The following KAT2A variants were observed in gnomAD, a reference collection of about 807,000 sequenced individuals.
KAT2A encodes histone acetyltransferase KAT2A.
KAT2A carries 42 observed loss-of-function variants against 95.2 expected under a neutral mutation model. The ratio of observed to expected loss-of-function variants is 0.44; its 90% CI spans 0.34 to 0.57. The LOEUF (loss-of-function observed/expected upper bound fraction) is 0.57. Ranked by LOEUF, KAT2A falls within the 20% of genes least tolerant of loss-of-function variation. The pLI, the probability that KAT2A is intolerant of heterozygous loss-of-function variation, is 0.01. For missense variants in KAT2A, 784 were observed against 1,126.3 expected (o/e 0.70, Z 4.35); for synonymous variants, 449 against 448.2 (o/e 1.00, Z -0.02).
Position 42,119,304 on chromosome 17 carries a change from T to C in KAT2A, c.1014A>G (p.Arg338=). 6.2e-7 allele frequency: 1 copy of C among 1,614,034 alleles called. No homozygotes were observed. The highest frequency in any genetic ancestry group is 8.5e-7 in the Non-Finnish European group (1 of 1,179,944). ...VTRRQLLEKF[R]VEKDKLVPEK... ...CGGGCACCAATTTGTCCTTCTCCAC[T>C]CGGAACTTTTCCAGCAGCTGCCGGC... Residue 338 remains arginine (R), a synonymous_variant, in exon 6 of 18, where the codon CGA becomes CGG. Coordinates refer to ENST00000225916, the MANE Select transcript of KAT2A (RefSeq NM_021078.3). This position sits in a 1 kb window ranked among gnomAD's most constrained non-coding sequence, Gnocchi z 5.3.
Position 42,114,729 on chromosome 17 carries a change from A to G in KAT2A, c.2020-125T>C. ...GCCACCTAATCCAGCACCTCCCCTC[A>G]TAACTTCCCCAAGGGAGCAGAGCAA... On this transcript the variant is annotated intron_variant, in intron 13 of 17. Coordinates refer to ENST00000225916, the MANE Select transcript of KAT2A (RefSeq NM_021078.3). The surrounding 1 kb of genome is among the most constrained non-coding windows in gnomAD (Gnocchi z 6.0). The G allele has an allele frequency of 6.9e-6, 8 of 1,166,694 alleles. No individual in the cohort carries two copies. Among genetic ancestry groups the G allele is most frequent in the Middle Eastern group, 4.8e-4 (2 of 4,144 alleles). 72.3% of individuals were successfully genotyped at this position (1,166,694 alleles called of 1,614,324 possible). A position where few individuals can be genotyped will look rare whatever the true frequency, so the allele number is the denominator to read the frequency against.
Position 42,117,712 on chromosome 17 carries a change from G to A in KAT2A, c.1394C>T (p.Thr465Ile), listed in dbSNP as rs1555666329. Residue 465 changes from threonine to isoleucine, a missense_variant, in exon 9 of 18, where the codon ACC (threonine) becomes ATC (isoleucine). Coordinates refer to ENST00000225916, the MANE Select transcript of KAT2A (RefSeq NM_021078.3). This position sits in a 1 kb window ranked among gnomAD's most constrained non-coding sequence, Gnocchi z 8.9. Reference protein sequence around the residue: ...PMELVNEVMLTITDPAAMLGP... With the variant: ...PMELVNEVMLIITDPAAMLGP... ...CAGCATGGCAGCAGGGTCAGTGATG[G>A]TCAGCATGACCTCATTGACCAGCTC... is the stretch of plus-strand genomic sequence containing the variant. 2 of 1,613,334 alleles carry A rather than the reference G, an allele frequency of 1.2e-6. No homozygotes were observed. The highest frequency in any genetic ancestry group is 1.7e-6 in the Non-Finnish European group (2 of 1,179,582).
rs1241266692 is a variant in KAT2A at position 42,120,676 on chromosome 17, C to G, written c.463+30G>C. 1.9e-6 allele frequency: 3 copies of G among 1,613,396 alleles called. No homozygotes were observed. In the African/African-American group the frequency reaches 4.0e-5, roughly 22 times the overall value. On this transcript the variant is annotated intron_variant, in intron 2 of 17. Coordinates refer to ENST00000225916, the MANE Select transcript of KAT2A (RefSeq NM_021078.3). ...TGTCCAAGCAGGACCCAGCACCTGCCCCCAGCTCCAAGGGCGCTGCCTGCC... is the reference window on the plus strand; with the variant it reads ...TGTCCAAGCAGGACCCAGCACCTGCGCCCAGCTCCAAGGGCGCTGCCTGCC...
chr17:42,118,162 C>A (rs1332118562), intron 7 of KAT2A, 135 bp downstream of exon 7: 2 of 791,720 alleles, frequency 2.5e-6, no homozygotes, highest in Non-Finnish European at 4.1e-6. Context: ...AAGGCAGGGA[C>A]TGGGGGGGCT....
rs782486234 is a variant in KAT2A at position 42,119,480 on chromosome 17, A to G, written c.882-44T>C. Reference sequence around the variant, plus strand: ...GGGGAGACAGGTGAGGGCGGAAACCACTGAACCCAGGCTGGGCCTGCAAGC... The same window carrying G: ...GGGGAGACAGGTGAGGGCGGAAACCGCTGAACCCAGGCTGGGCCTGCAAGC... On this transcript the variant is annotated intron_variant, in intron 5 of 17. Coordinates refer to ENST00000225916, the MANE Select transcript of KAT2A (RefSeq NM_021078.3). The surrounding 1 kb of genome is among the most constrained non-coding windows in gnomAD (Gnocchi z 5.3). The G allele has an allele frequency of 2.0e-5, 32 of 1,586,902 alleles. 1 individual carries two copies. The South Asian group carries it at 3.7e-4, about 18-fold the overall frequency.
At position 42,114,440 on chromosome 17, in the gene KAT2A, C is replaced by T. The variant is rs781932527; in HGVS notation, c.2135-46G>A. 10 of 1,613,478 alleles carry T rather than the reference C, an allele frequency of 6.2e-6. No individual in the cohort carries two copies. The Admixed American group carries it at 1.7e-4, about 27-fold the overall frequency. ...GAATGTCTCTAAGAATGCCAGTCCA[C>T]ACCCCAAGCATCGTGCCCCCACTAC... On this transcript the variant is annotated intron_variant, in intron 14 of 17. Coordinates refer to ENST00000225916, the MANE Select transcript of KAT2A (RefSeq NM_021078.3). The surrounding 1 kb of genome is among the most constrained non-coding windows in gnomAD (Gnocchi z 6.0).
In KAT2A at chr17:42,117,994, G is replaced by A. The variant is rs918494138; in HGVS notation, c.1204C>T (p.Pro402Ser). The change falls in exon 8 of 18, where the codon CCC becomes TCC. Residue 402 changes from proline to serine, a missense_variant. Physicochemically the swap from Pro to Ser is moderately conservative, Grantham distance 74. Coordinates refer to ENST00000225916, the MANE Select transcript of KAT2A (RefSeq NM_021078.3). The surrounding 1 kb of genome is among the most constrained non-coding windows in gnomAD (Gnocchi z 8.9). Reference sequence around the variant, plus strand: ...CTGGGGCTGAAGATGGGGGTGCTGGGAACAACCGCTGCACTGACTGAAGCT... The same window carrying A: ...CTGGGGCTGAAGATGGGGGTGCTGGAAACAACCGCTGCACTGACTGAAGCT... ...RPASVSAAVV[P>S]STPIFSPSMG... 5.6e-6 allele frequency: 9 copies of A among 1,604,332 alleles called. No homozygotes were observed. In the African/African-American group the frequency reaches 1.2e-4, roughly 22 times the overall value.
rs782359303 is a variant in KAT2A, at chr17:42,113,625, C to T, written c.*24G>A. 3 of 1,593,526 alleles carry T rather than the reference C, an allele frequency of 1.9e-6. No individual in the cohort carries two copies. The South Asian group carries it at 3.4e-5, about 18-fold the overall frequency. On this transcript the variant is annotated 3_prime_UTR_variant, in exon 18 of 18. Transcript: ENST00000225916. Reference sequence around the variant, plus strand: ...AATCCGAGGTGGAGACATTCCAGGTCAGGGCTGCGGCCCAAAGATGGGCCT... The same window carrying T: ...AATCCGAGGTGGAGACATTCCAGGTTAGGGCTGCGGCCCAAAGATGGGCCT...
chr17:42,117,086 C>T lies in KAT2A; in HGVS notation c.1713G>A (p.Gln571=). 6.2e-7 allele frequency: 1 copy of T among 1,614,166 alleles called. No homozygotes were observed. Among genetic ancestry groups the T allele is most frequent in the South Asian group, 1.1e-5 (1 of 91,090 alleles). ...GGICFRMFPT[Q]GFTEIVFCAV... is the part of the protein sequence containing the mutation. Reference sequence around the variant, plus strand: ...CACAGAAGACAATCTCCGTGAAGCCCTGGGTGGGAAACATGCGGAAGCAGA... The same window carrying T: ...CACAGAAGACAATCTCCGTGAAGCCTTGGGTGGGAAACATGCGGAAGCAGA... The change falls in exon 11 of 18, where the codon CAG becomes CAA. Residue 571 remains glutamine (Q), a synonymous_variant. Transcript: ENST00000225916. This position sits in a 1 kb window ranked among gnomAD's most constrained non-coding sequence, Gnocchi z 8.9.
At chr17:42,120,602 A>G in intron 2 of KAT2A, 104 bp downstream of exon 2, 6 of 1,089,396 alleles carry the variant, frequency 5.5e-6, no homozygotes, top group Non-Finnish European at 7.9e-6. Context: ...CCCTCCTTCG[A>G]GGCATCTTTG....
At chr17:42,115,296 GC>G (rs1188044324) in intron 12 of KAT2A, among the ~76,000 whole-genome samples, 2 of 84,084 alleles carry the variant, frequency 2.4e-5, no homozygotes, top group Non-Finnish European at 4.5e-5. Flanking sequence ...TCCTCTACTG[GC>G]CCCCCAGTTC....
chr17:42,118,040 G>A, intron 7 of KAT2A, 23 bp from the exon 8 acceptor site: 1 of 1,344,650 alleles, frequency 7.4e-7, no homozygotes, highest in East Asian at 2.4e-5. Context: ...AGAGACGTCA[G>A]GGATGGGGGG....
In KAT2A at chr17:42,114,766, C is replaced by T; in HGVS notation, c.2019+126G>A. 1 of 1,238,192 alleles carries T rather than the reference C, an allele frequency of 8.1e-7. No individual in the cohort carries two copies. Among genetic ancestry groups the T allele is most frequent in the Non-Finnish European group, 1.2e-6 (1 of 861,692 alleles). 76.7% of individuals were successfully genotyped at this position (1,238,192 alleles called of 1,614,324 possible). On this transcript the variant is annotated intron_variant, in intron 13 of 17. Transcript: ENST00000225916. The surrounding 1 kb of genome is among the most constrained non-coding windows in gnomAD (Gnocchi z 6.0). ...AGGGAGCAGAGCAAGAGCCAAGATC[C>T]TGGCCTGCCCCTCCTCACTCACACA...
Position 42,117,852 on chromosome 17 carries a change from A to T in KAT2A, c.1292-38T>A. Reference sequence around the variant, plus strand: ...CAGGCAAGGTTGCTCAGGATCAGTAAAAAAGGTTTGGGAAGGAGTGAATGA... The same window carrying T: ...CAGGCAAGGTTGCTCAGGATCAGTATAAAAGGTTTGGGAAGGAGTGAATGA... On this transcript the variant is annotated intron_variant, in intron 8 of 17. Coordinates refer to ENST00000225916, the MANE Select transcript of KAT2A (RefSeq NM_021078.3). This position sits in a 1 kb window ranked among gnomAD's most constrained non-coding sequence, Gnocchi z 8.9. 1 of 1,610,086 alleles carries T rather than the reference A, an allele frequency of 6.2e-7. No homozygotes were observed. Among genetic ancestry groups the T allele is most frequent in the Admixed American group, 1.7e-5 (1 of 59,846 alleles).
In KAT2A at chr17:42,120,220, C is replaced by T. The variant is rs1479716287; in HGVS notation, c.609+5G>A. ...CACTCACACCCTCCTTTAGTGGAAG[C>T]TCACCTTGAAGAGGTAGAAATAGAC... On this transcript the variant is annotated splice_donor_5th_base_variant and intron_variant, in intron 3 of 17. Coordinates refer to ENST00000225916, the MANE Select transcript of KAT2A (RefSeq NM_021078.3). 2.3e-5 allele frequency: 37 copies of T among 1,614,068 alleles called. No individual in the cohort carries two copies. Among genetic ancestry groups the T allele is most frequent in the African/African-American group, 1.1e-4 (8 of 74,946 alleles).
intron 2 of KAT2A, 150 bp from the exon 3 acceptor site, chr17:42,120,520 G>T: frequency 1.6e-6 from 2 of 1,247,058 alleles, no homozygotes; most frequent in Non-Finnish European, 2.3e-6. Flanking sequence ...CAACCGTTGG[G>T]TTGCCTGGGC....
chr17:42,120,620 C>A, intron 2 of KAT2A, 86 bp downstream of exon 2: 1 of 1,490,054 alleles, frequency 6.7e-7, no homozygotes, highest in South Asian at 1.1e-5. Flanking sequence ...TTGATTTTTT[C>A]AGAGATGAAG....
rs782558533 is a variant in KAT2A, at chr17:42,117,181, G to C, written c.1638-20C>G. On this transcript the variant is annotated intron_variant, in intron 10 of 17. Coordinates refer to ENST00000225916, the MANE Select transcript of KAT2A (RefSeq NM_021078.3). This position sits in a 1 kb window ranked among gnomAD's most constrained non-coding sequence, Gnocchi z 8.9. ...TGCTTCCTAAGAGAGAGGGGGGCAT[G>C]TCATAGCCCCTGACTGTCCCCTTCA... is the stretch of plus-strand genomic sequence containing the variant. 5 of 1,613,282 alleles carry C rather than the reference G, an allele frequency of 3.1e-6. No homozygotes were observed. In the Middle Eastern group the frequency reaches 4.9e-4, roughly 159 times the overall value.
At position 42,120,360 on chromosome 17, in the gene KAT2A, T is replaced by C. The variant is rs1598234751; in HGVS notation, c.474A>G (p.Val158=). Residue 158 remains valine, a synonymous_variant, in exon 3 of 18, where the codon GTA becomes GTG. Transcript: ENST00000225916. ...RSCEHPLADH[V]SHLENVSEDE... ...CCTCTGACACATTCTCCAAGTGGGA[T>C]ACGTGGTCAGCTGCAAGACAGATGG... The C allele has an allele frequency of 5.0e-6, 8 of 1,614,258 alleles. No individual in the cohort carries two copies. The highest frequency in any genetic ancestry group is 1.6e-4 in the Middle Eastern group (1 of 6,062).
Sources: gnomAD v4.1 joint callset for allele counts (sites outside exome capture counted in the v4.1 genomes callset) on GRCh38, gnomAD v4.1.1 for gene constraint, Gnocchi (gnomAD v3.1) non-coding constraint, MANE v1.5 for transcripts, NCBI Gene and HGNC (gene_info 2026-07-23, HGNC 2026-07-21) for gene names.